The following NLK variants were observed in gnomAD, a reference collection of about 807,000 sequenced individuals.
NLK encodes the protein nemo like kinase.
In NLK, 11 loss-of-function variants were observed where a neutral mutation model predicts 59.0. The observed-to-expected ratio is 0.19, with a 90% confidence interval of 0.12 to 0.31. NLK has a LOEUF of 0.31. Ranked by LOEUF, NLK falls within the 10% of genes least tolerant of loss-of-function variation. The probability of loss-of-function intolerance (pLI) is 1.00; values close to 1 mark genes in which losing one functional copy is unlikely to be tolerated. For missense variants in NLK, 410 were observed against 661.1 expected, an observed-to-expected ratio of 0.62 and a Z score of 4.16; for synonymous variants, 235 against 235.9, an observed-to-expected ratio of 1.00 and a Z score of 0.03.
intron 1 of NLK, among the ~76,000 whole-genome samples, chr17:28,120,064 T>G (rs1905959000): frequency 6.6e-6 from 1 of 152,164 alleles, no homozygotes; most frequent in African/African-American, 2.4e-5. Flanking sequence ...AAGTTTTCCC[T>G]TTTTCGTATT....
At chr17:28,198,709 C>G (rs1019878497), downstream of NLK, among the ~76,000 whole-genome samples, 38 of 152,160 alleles carry the variant, frequency 2.5e-4, no homozygotes, top group African/African-American at 8.0e-4. Flanking sequence ...ACTTGAAAGA[C>G]GAATTTCTTA....
At chr17:28,091,489 A>G (rs1160151079) in intron 1 of NLK, among the ~76,000 whole-genome samples, 1 of 151,094 alleles carries the variant, frequency 6.6e-6, no homozygotes, top group Admixed American at 6.6e-5. Flanking sequence ...ATATATATAT[A>G]TACACACACA....
intron 3 of NLK, among the ~76,000 whole-genome samples, chr17:28,147,784 C>A (rs530889854): frequency 6.6e-6 from 1 of 152,268 alleles, no homozygotes; most frequent in East Asian, 1.9e-4. Context: ...TTTTCTTCCT[C>A]AGCAAATTTT....
At chr17:28,155,059 A>G (rs997700656) in intron 3 of NLK, among the ~76,000 whole-genome samples, 1 of 152,200 alleles carries the variant, frequency 6.6e-6, no homozygotes, top group South Asian at 2.1e-4. Flanking sequence ...AGTAAAAAAT[A>G]AAATTAGAAA....
intron 1 of NLK, among the ~76,000 whole-genome samples, chr17:28,077,439 C>T (rs549752500): frequency 1.3e-5 from 2 of 152,066 alleles, no homozygotes; most frequent in Non-Finnish European, 2.9e-5. Context: ...TTCAAATTAC[C>T]TCCCACCGGG....
chr17:28,176,285 A>C (rs1002154697), intron 7 of NLK, among the ~76,000 whole-genome samples: 1 of 152,246 alleles, frequency 6.6e-6, no homozygotes, highest in Non-Finnish European at 1.5e-5. Flanking sequence ...CTCATGAAGA[A>C]TACTTCTAAA....
intron 4 of NLK, 109 bp downstream of exon 4, chr17:28,161,375 CTT>C: frequency 1.6e-6 from 1 of 608,570 alleles, no homozygotes. Flanking sequence ...TCTCTAAAGA[CTT>C]TTTTCTTTTG....
rs547542878 is a variant in NLK, at chr17:28,152,043, A to G, written c.645-9117A>G. On this transcript the variant is annotated intron_variant, in intron 3 of 10. Transcript: ENST00000407008. ...CTTTGCTCTGTGTTAGTTGAATTAT[A>G]TGAAAGTGTTACTGTTGATCAAAAA... Among the ~76,000 whole-genome samples the G allele has an allele frequency of 5.3e-5, 8 of 152,176 alleles. No homozygotes were observed. In the South Asian group the frequency reaches 1.5e-3, roughly 28 times the overall value.
At chr17:28,067,069 T>A (rs991464453) in intron 1 of NLK, among the ~76,000 whole-genome samples, 13 of 152,228 alleles carry the variant, frequency 8.5e-5, no homozygotes, top group African/African-American at 3.1e-4. Context: ...TTCTCCTGAG[T>A]GTCTTTTGCA....
intron 1 of NLK, among the ~76,000 whole-genome samples, chr17:28,108,766 A>T (rs1442751800): frequency 6.6e-6 from 1 of 152,200 alleles, no homozygotes; most frequent in Non-Finnish European, 1.5e-5. Flanking sequence ...ATTAATTACT[A>T]GATTTAATAT....
At chr17:28,129,876 G>A (rs1441028006) in intron 2 of NLK, among the ~76,000 whole-genome samples, 1 of 152,128 alleles carries the variant, frequency 6.6e-6, no homozygotes, top group African/African-American at 2.4e-5. Context: ...TATGTAACCA[G>A]TTTATAGTGA....
At chr17:28,073,907 C>T (rs529922733) in intron 1 of NLK, among the ~76,000 whole-genome samples, 22 of 152,282 alleles carry the variant, frequency 1.4e-4, no homozygotes, top group South Asian at 8.3e-4. Flanking sequence ...ATGTTCCTAG[C>T]ATGTAATATG....
intron 1 of NLK, among the ~76,000 whole-genome samples, chr17:28,068,178 C>G (rs1284418072): frequency 6.6e-6 from 1 of 151,486 alleles, no homozygotes; most frequent in Non-Finnish European, 1.5e-5. Flanking sequence ...TTCGATTGTT[C>G]CAATACCATT....
At chr17:28,093,965 T>C (rs535220952) in intron 1 of NLK, among the ~76,000 whole-genome samples, 3 of 152,228 alleles carry the variant, frequency 2.0e-5, no homozygotes, top group Admixed American at 6.5e-5. Flanking sequence ...CAATCCAACA[T>C]CTCTAGAAAG....
intron 4 of NLK, among the ~76,000 whole-genome samples, chr17:28,162,870 G>T (rs964746001): frequency 6.6e-6 from 1 of 150,880 alleles, no homozygotes; most frequent in Non-Finnish European, 1.5e-5. Flanking sequence ...AGTGAGCTGT[G>T]ATCATACCAC....
intron 3 of NLK, among the ~76,000 whole-genome samples, 186 bp downstream of exon 3, chr17:28,132,861 C>T (rs1217982996): frequency 6.6e-6 from 1 of 152,156 alleles, no homozygotes; most frequent in African/African-American, 2.4e-5. Context: ...TCAACATATC[C>T]TGTGTGGTGA....
intron 1 of NLK, among the ~76,000 whole-genome samples, chr17:28,071,902 A>T (rs1385684530): frequency 2.0e-5 from 3 of 152,198 alleles, no homozygotes; most frequent in South Asian, 2.1e-4. Flanking sequence ...TGACCCAGGG[A>T]TGAAAAGGGC....
At chr17:28,189,937 A>G (rs1373383410) in intron 8 of NLK, among the ~76,000 whole-genome samples, 2 of 152,214 alleles carry the variant, frequency 1.3e-5, no homozygotes, top group Admixed American at 6.5e-5. Context: ...AAAGGTCATG[A>G]CATGCCTTTT....
At chr17:28,130,671 G>A (rs914226702) in intron 2 of NLK, among the ~76,000 whole-genome samples, 2 of 152,112 alleles carry the variant, frequency 1.3e-5, no homozygotes, top group East Asian at 1.9e-4. Flanking sequence ...TATAATGGAC[G>A]CTGTCACTCA....
Sources: allele counts gnomAD v4.1 joint callset (sites outside exome capture counted in the v4.1 genomes callset), GRCh38; gene constraint gnomAD v4.1.1; transcripts MANE v1.5; gene names NCBI Gene and HGNC (gene_info 2026-07-23, HGNC 2026-07-21).